Variants in MAP2K5 observed in about 807,000 individuals in gnomAD.
MAP2K5 encodes mitogen-activated protein kinase kinase 5, also known as dual specificity mitogen-activated protein kinase kinase 5.
In MAP2K5, 49 loss-of-function variants were observed where a neutral mutation model predicts 83.1. The ratio of observed to expected loss-of-function variants is 0.59; its 90% CI spans 0.47 to 0.75. The LOEUF (loss-of-function observed/expected upper bound fraction) is 0.75. Among genes scored for constraint, MAP2K5 ranks in the 30% least tolerant of loss-of-function variants. MAP2K5 has a pLI of 0.00. For synonymous variants in MAP2K5, 202 were observed against 191.8 expected, an observed-to-expected ratio of 1.05 and a Z score of -0.44; for missense variants, 457 against 557.5, an observed-to-expected ratio of 0.82 and a Z score of 1.82.
chr15:67,558,527 C>T (rs1458996379), intron 2 of MAP2K5, among the ~76,000 whole-genome samples: 2 of 152,218 alleles, frequency 1.3e-5, no homozygotes, highest in Non-Finnish European at 2.9e-5. Flanking sequence ...ACCACGCTCA[C>T]AACCCTCCAG....
intron 17 of MAP2K5, among the ~76,000 whole-genome samples, chr15:67,735,371 C>T (rs575001111): frequency 1.3e-5 from 2 of 152,310 alleles, no homozygotes; most frequent in African/African-American, 4.8e-5. Context: ...TTCGTGATTC[C>T]TGTGTTGTTT....
At chr15:67,600,773 C>T (rs1448493205) in intron 8 of MAP2K5, 24 bp downstream of exon 8, 2 of 1,569,828 alleles carry the variant, frequency 1.3e-6, no homozygotes, top group East Asian at 2.3e-5. Flanking sequence ...TTTGTTTAAA[C>T]TTTCTATCCG....
intron 11 of MAP2K5, among the ~76,000 whole-genome samples, chr15:67,653,798 T>C (rs1044523488): frequency 2.0e-5 from 3 of 152,186 alleles, no homozygotes; most frequent in Non-Finnish European, 2.9e-5. Context: ...ATCTTTCTTC[T>C]TATTTAATGT....
In MAP2K5 at chr15:67,773,399, G is replaced by A. The variant is rs78161566; in HGVS notation, c.1242+647G>A. On this transcript the variant is annotated intron_variant, in intron 21 of 21. Coordinates refer to ENST00000178640, the MANE Select transcript of MAP2K5 (RefSeq NM_145160.3). ...AAGCTGTTAGAATAACGTTAGGATC[G>A]AGCATTAGTAAATAATAATTATAGT... Among the ~76,000 whole-genome samples the A allele has an allele frequency of 2.8e-3, 424 of 152,254 alleles. 8 individuals carry two copies. The East Asian group carries it at 0.048, about 17-fold the overall frequency.
intron 16 of MAP2K5, among the ~76,000 whole-genome samples, chr15:67,714,826 TG>T (rs1856141640): frequency 6.6e-6 from 1 of 152,076 alleles, no homozygotes; most frequent in Admixed American, 6.6e-5. Context: ...GTTTTTGGAT[TG>T]GGGATGCTGG....
intron 8 of MAP2K5, among the ~76,000 whole-genome samples, chr15:67,627,323 A>G (rs2086349123): frequency 6.6e-6 from 1 of 152,208 alleles, no homozygotes; most frequent in Non-Finnish European, 1.5e-5. Context: ...AGACACTTTC[A>G]AAGGTTAAAT....
chr15:67,772,609 A>G (rs1188026449), intron 20 of MAP2K5, 98 bp from the exon 21 acceptor site: 1 of 693,130 alleles, frequency 1.4e-6, no homozygotes, highest in East Asian at 2.9e-5. Context: ...TATTTTGAAA[A>G]CATTCAAATT....
At chr15:67,645,627 C>T (rs968605973) in intron 9 of MAP2K5, among the ~76,000 whole-genome samples, 6 of 152,252 alleles carry the variant, frequency 3.9e-5, no homozygotes, top group East Asian at 1.9e-4. Flanking sequence ...AGTCATGGCT[C>T]ACTTCAGCCT....
chr15:67,734,582 A>G (rs367551663), intron 17 of MAP2K5, among the ~76,000 whole-genome samples: 5 of 152,170 alleles, frequency 3.3e-5, no homozygotes, highest in African/African-American at 9.7e-5. Context: ...TTTGACTAGT[A>G]TATTGTTACT....
chr15:67,761,279 C>T lies in MAP2K5; in HGVS notation c.1135-8323C>T, dbSNP rs1371953227. Among the ~76,000 whole-genome samples the T allele has an allele frequency of 1.3e-5, 2 of 151,972 alleles. 1 individual carries two copies. The highest frequency in any genetic ancestry group is 2.9e-5 in the Non-Finnish European group (2 of 68,012). On this transcript the variant is annotated intron_variant, in intron 19 of 21. Coordinates refer to ENST00000178640, the MANE Select transcript of MAP2K5 (RefSeq NM_145160.3). Reference sequence around the variant, plus strand: ...CCTCCCTCCCTCTTTCCCTTTGTTCCCCTCATAGTAACTAGTTTTAAACTG... The same window carrying T: ...CCTCCCTCCCTCTTTCCCTTTGTTCTCCTCATAGTAACTAGTTTTAAACTG...
At chr15:67,800,457 A>T (rs2090684268) in intron 21 of MAP2K5, among the ~76,000 whole-genome samples, 1 of 152,216 alleles carries the variant, frequency 6.6e-6, no homozygotes, top group Non-Finnish European at 1.5e-5. Context: ...TTATTTCTGT[A>T]TATTGTCTCA....
rs1468502450 is a variant in MAP2K5, at chr15:67,801,796, A to G, written c.1243-4850A>G. Among the ~76,000 whole-genome samples, 1 of 152,220 alleles carries G rather than the reference A, an allele frequency of 6.6e-6. No individual in the cohort carries two copies. Among genetic ancestry groups the G allele is most frequent in the East Asian group, 1.9e-4 (1 of 5,200 alleles). ...AGAAGTCACCTTTTCATGAGGGCCT[A>G]CCACATGCAGGCATTGCACCAGGCC... On this transcript the variant is annotated intron_variant, in intron 21 of 21. Coordinates refer to ENST00000178640, the MANE Select transcript of MAP2K5 (RefSeq NM_145160.3). The surrounding 1 kb of genome is among the most constrained non-coding windows in gnomAD (Gnocchi z 4.8).
rs1416995631 is a variant in MAP2K5, at chr15:67,644,353, C to T, written c.586-1878C>T. The stretch of plus-strand genomic sequence containing the variant: ...AGGTTGCAGTGAGCCAAGATCGCGC[C>T]ACTACACTCCAGCCTGGGTGACAGG... On this transcript the variant is annotated intron_variant, in intron 9 of 21. Coordinates refer to ENST00000178640, the MANE Select transcript of MAP2K5 (RefSeq NM_145160.3). The surrounding 1 kb of genome is among the most constrained non-coding windows in gnomAD (Gnocchi z 4.6). Among the ~76,000 whole-genome samples, 1 of 152,038 alleles carries T rather than the reference C, an allele frequency of 6.6e-6. No homozygotes were observed. Among genetic ancestry groups the T allele is most frequent in the Non-Finnish European group, 1.5e-5 (1 of 68,008 alleles).
chr15:67,772,649 T>C (rs2090164392), intron 20 of MAP2K5, 58 bp from the exon 21 acceptor site: 2 of 1,162,976 alleles, frequency 1.7e-6, no homozygotes, highest in Non-Finnish European at 2.4e-6. Context: ...GTAGAAATTA[T>C]AGCAAAAATA....
At chr15:67,607,611 A>G (rs1221866930) in intron 8 of MAP2K5, among the ~76,000 whole-genome samples, 1 of 152,220 alleles carries the variant, frequency 6.6e-6, no homozygotes, top group Non-Finnish European at 1.5e-5. Flanking sequence ...CTATTATTGA[A>G]ATAGTTTATT....
In MAP2K5 at chr15:67,793,196, A is replaced by G. The variant is rs1039748399; in HGVS notation, c.1243-13450A>G. ...AACTGAAACAGGATCATCTGAGCCC[A>G]GGAGTTCAAAGGTGTAGTGCGGAAT... On this transcript the variant is annotated intron_variant, in intron 21 of 21. Coordinates refer to ENST00000178640, the MANE Select transcript of MAP2K5 (RefSeq NM_145160.3). This position sits in a 1 kb window ranked among gnomAD's most constrained non-coding sequence, Gnocchi z 4.6. Among the ~76,000 whole-genome samples, 1 of 152,236 alleles carries G rather than the reference A, an allele frequency of 6.6e-6. No homozygotes were observed. The highest frequency in any genetic ancestry group is 1.5e-5 in the Non-Finnish European group (1 of 68,044).
At chr15:67,728,079 G>A (rs553161746) in intron 17 of MAP2K5, 134 bp downstream of exon 17, 1 of 778,242 alleles carries the variant, frequency 1.3e-6, no homozygotes, top group African/African-American at 1.7e-5. Context: ...GTATCTTAAA[G>A]GGTTCATTTA....
At chr15:67,686,134 TG>T (rs2087947077) in intron 13 of MAP2K5, among the ~76,000 whole-genome samples, 1 of 152,144 alleles carries the variant, frequency 6.6e-6, no homozygotes, top group African/African-American at 2.4e-5. Flanking sequence ...ATGGTAGAGT[TG>T]AACCCAGCCA....
chr15:67,666,400 T>C (rs369944680), intron 13 of MAP2K5, among the ~76,000 whole-genome samples: 2 of 152,234 alleles, frequency 1.3e-5, no homozygotes, highest in East Asian at 3.9e-4. Flanking sequence ...TTACTCTGGG[T>C]TTGGGAGAAA....
Sources: allele counts gnomAD v4.1 joint callset (sites outside exome capture counted in the v4.1 genomes callset), GRCh38; gene constraint gnomAD v4.1.1; non-coding constraint Gnocchi (gnomAD v3.1); transcripts MANE v1.5; gene names NCBI Gene and HGNC (gene_info 2026-07-23, HGNC 2026-07-21).